Variants in GATAD1 observed in about 807,000 individuals in gnomAD.
The protein encoded by GATAD1 is GATA zinc finger domain-containing protein 1.
A neutral mutation model predicts 26.5 loss-of-function variants in GATAD1; 12 were observed. The ratio of observed to expected loss-of-function variants is 0.45; its 90% CI spans 0.29 to 0.73. The LOEUF is 0.73. Among genes scored for constraint, GATAD1 ranks in the 30% least tolerant of loss-of-function variants. The pLI is 0.10. For missense variants in GATAD1, 266 were observed against 342.1 expected (o/e 0.78, Z 1.75); for synonymous variants, 129 against 133.1 (o/e 0.97, Z 0.21).
the GATAD1 span, among the ~76,000 whole-genome samples, chr7:92,486,667 A>G: frequency 1.3e-5 from 2 of 151,862 alleles, no homozygotes; most frequent in Non-Finnish European, 2.9e-5. Context: ...ATGCATGGCT[A>G]ATTTTTTTTT....
the GATAD1 span, chr7:92,489,952 G>A: frequency 6.7e-7 from 1 of 1,495,408 alleles, no homozygotes. Flanking sequence ...GAAGGAAGAG[G>A]GGGAGAGAAA....
chr7:92,454,709 T>G (rs2115877006), intron 4 of GATAD1, 24 bp downstream of exon 4: 3 of 1,446,990 alleles, frequency 2.1e-6, no homozygotes, highest in Non-Finnish European at 2.8e-6. Context: ...ATGGCACAGG[T>G]TTTTTTTTAA....
the GATAD1 span, chr7:92,494,298 CAGG>C: frequency 3.7e-6 from 6 of 1,611,332 alleles, no homozygotes; most frequent in Non-Finnish European, 5.1e-6. Context: ...GTCACCTGAT[CAGG>C]AGGAGGACAG....
the GATAD1 span, among the ~76,000 whole-genome samples, chr7:92,495,207 AATTT>A: frequency 6.6e-6 from 1 of 152,226 alleles, no homozygotes; most frequent in African/African-American, 2.4e-5. Flanking sequence ...TTGTTTTATT[AATTT>A]ATTAACAAAT....
the GATAD1 span, chr7:92,486,898 T>G: frequency 1.3e-5 from 2 of 152,262 alleles, no homozygotes; most frequent in African/African-American, 4.8e-5. Flanking sequence ...TTAAATATCT[T>G]GGGCTTGGAG....
chr7:92,489,304 A>G, the GATAD1 span: 1 of 1,613,726 alleles, frequency 6.2e-7, no homozygotes, highest in Non-Finnish European at 8.5e-7. Flanking sequence ...GCTCAGCAAA[A>G]TTCTTCCAGT....
chr7:92,486,339 C>T, the GATAD1 span, among the ~76,000 whole-genome samples: 2 of 152,126 alleles, frequency 1.3e-5, no homozygotes, highest in Non-Finnish European at 2.9e-5. Flanking sequence ...AAATTTTTAC[C>T]ACCACCACCC....
At chr7:92,489,900 A>T in the GATAD1 span, 2 of 1,613,452 alleles carry the variant, frequency 1.2e-6, no homozygotes, top group Non-Finnish European at 1.7e-6. Context: ...GTGCAGAGAG[A>T]CATTGTGAGC....
chr7:92,460,260 A>G (rs1023749858), downstream of GATAD1, among the ~76,000 whole-genome samples: 1 of 152,200 alleles, frequency 6.6e-6, no homozygotes, highest in Non-Finnish European at 1.5e-5. Context: ...AGTTTCTGTC[A>G]TGCCCAGAAA....
rs1408321552 is a variant in GATAD1 at position 92,456,923 on chromosome 7, G to C, written c.*361G>C. ...AGGCCGAGGCAGGCGGATCACCTGA[G>C]GTCGGGAAGTGGATCGCCTGAGGTC... On this transcript the variant is annotated 3_prime_UTR_variant, in exon 5 of 5. Transcript: ENST00000287957. 1.2e-5 allele frequency: 2 copies of C among 166,994 alleles called. No homozygotes were observed. Among genetic ancestry groups the C allele is most frequent in the African/African-American group, 4.8e-5 (2 of 42,034 alleles). 10.3% of individuals were successfully genotyped at this position (166,994 alleles called of 1,614,324 possible).
chr7:92,490,556 G>A, the GATAD1 span, among the ~76,000 whole-genome samples: 66 of 145,424 alleles, frequency 4.5e-4, no homozygotes, highest in Non-Finnish European at 8.9e-4. Context: ...AATCACCTAA[G>A]CCCAGGAGGT....
At chr7:92,462,378 AAAC>A, downstream of GATAD1, among the ~76,000 whole-genome samples, 1 of 151,894 alleles carries the variant, frequency 6.6e-6, no homozygotes, top group Non-Finnish European at 1.5e-5. Flanking sequence ...TAAAAAAAAA[AAAC>A]AAAAACACAC....
the GATAD1 span, among the ~76,000 whole-genome samples, chr7:92,485,958 T>C: frequency 2.0e-5 from 3 of 152,364 alleles, no homozygotes; most frequent in South Asian, 6.2e-4. Flanking sequence ...CCTATGTGAA[T>C]GCTCAGTTAA....
At position 92,457,199 on chromosome 7, in the gene GATAD1, C is replaced by T. The variant is rs1789716968; in HGVS notation, c.*637C>T. The T allele has an allele frequency of 1.4e-5, 2 of 147,804 alleles. No homozygotes were observed. The highest frequency in any genetic ancestry group is 3.0e-5 in the Non-Finnish European group (2 of 67,526). The allele number at this position is 147,804 out of a possible 1,614,324, so 9.2% of individuals were successfully genotyped here. On this transcript the variant is annotated 3_prime_UTR_variant, in exon 5 of 5. Transcript: ENST00000287957. The stretch of plus-strand genomic sequence containing the variant: ...AAAAAAAAGGCTGGGCACAGTGGCT[C>T]ACGCCTTTAATCCCAGCACTTTGGG...
rs1003809257 is a variant in GATAD1, at chr7:92,454,522, T to C, written c.456T>C (p.Gly152=). The C allele has an allele frequency of 1.2e-6, 2 of 1,611,434 alleles. No individual in the cohort carries two copies. Among genetic ancestry groups the C allele is most frequent in the Non-Finnish European group, 1.7e-6 (2 of 1,177,628 alleles). ...CCCAGGGAGTATATTACCAAATTGGTGATGTTGTTTCTGTGATTGATGAAC... is the reference window on the plus strand; with the variant it reads ...CCCAGGGAGTATATTACCAAATTGGCGATGTTGTTTCTGTGATTGATGAAC... ...IFYKGVYYQI[G]DVVSVIDEQD... The change falls in exon 4 of 5, where the codon GGT becomes GGC. Residue 152 remains glycine (G), a synonymous_variant. Transcript: ENST00000287957.
chr7:92,478,876 TC>T, the GATAD1 span, among the ~76,000 whole-genome samples: 1 of 152,130 alleles, frequency 6.6e-6, no homozygotes, highest in African/African-American at 2.4e-5. Context: ...CATGGCCCCC[TC>T]CAGATAATTC....
the GATAD1 span, chr7:92,487,596 A>C: frequency 1.3e-6 from 1 of 766,488 alleles, no homozygotes; most frequent in South Asian, 1.8e-5. Flanking sequence ...TACAAAACAA[A>C]AGATAATGGA....
At chr7:92,489,431 A>G in the GATAD1 span, 1 of 1,609,652 alleles carries the variant, frequency 6.2e-7, no homozygotes, top group South Asian at 1.1e-5. Context: ...CTCCTTAAGT[A>G]AAAAAAGAAA....
At chr7:92,484,765 G>A in the GATAD1 span, among the ~76,000 whole-genome samples, 1 of 152,192 alleles carries the variant, frequency 6.6e-6, no homozygotes, top group African/African-American at 2.4e-5. Flanking sequence ...GTAGGTGGAT[G>A]TCCTCACAGA....
Sources: gnomAD v4.1 joint callset for allele counts (sites outside exome capture counted in the v4.1 genomes callset) on GRCh38, gnomAD v4.1.1 for gene constraint, MANE v1.5 for transcripts, NCBI Gene and HGNC (gene_info 2026-07-23, HGNC 2026-07-21) for gene names.